Variants in TRIM55 observed in about 807,000 individuals in gnomAD.
TRIM55 encodes tripartite motif containing 55.
Under a neutral mutation model 60.9 loss-of-function variants are expected in TRIM55, and 50 were observed. That is an observed-to-expected ratio of 0.82 (90% CI 0.65 to 1.04). The LOEUF is 1.04. Among genes scored for constraint, TRIM55 ranks in the 50% least tolerant of loss-of-function variants. The pLI, the probability that TRIM55 is intolerant of heterozygous loss-of-function variation, is 0.00. For missense variants in TRIM55, 681 were observed against 666.9 expected, an observed-to-expected ratio of 1.02 and a Z score of -0.23; for synonymous variants, 237 against 238.1, an observed-to-expected ratio of 1.00 and a Z score of 0.04.
At chr8:66,137,040 G>A (rs1809516905) in intron 3 of TRIM55, 55 bp from the exon 4 acceptor site, 8 of 1,452,396 alleles carry the variant, frequency 5.5e-6, no homozygotes, top group East Asian at 2.3e-5. Flanking sequence ...CCAATTCACA[G>A]TCGGGGTGGC....
chr8:66,149,812 C>T lies in TRIM55; in HGVS notation c.771C>T (p.Asn257=), dbSNP rs61741078. The T allele has an allele frequency of 6.9e-4, 1,108 of 1,614,156 alleles. 7 individuals are homozygous for T. The African/African-American group carries it at 0.011, about 16-fold the overall frequency. The change falls in exon 5 of 10, where the codon AAC becomes AAT. Residue 257 remains asparagine (N), a synonymous_variant. Transcript: ENST00000315962. ...AAAAGTATTCTGATCATTTGGAGAA[C>T]GTCTCAAAGTTGGTTGAGTCAGGAA... The part of the protein sequence containing the change: ...LIKKYSDHLE[N]VSKLVESGIQ...
chr8:66,156,859 G>A (rs1000932440), intron 9 of TRIM55, among the ~76,000 whole-genome samples: 4 of 152,158 alleles, frequency 2.6e-5, no homozygotes, highest in African/African-American at 9.7e-5. Context: ...CTGGAAACCT[G>A]TGCACCCTAG....
At chr8:66,114,297 T>C in the TRIM55 span, among the ~76,000 whole-genome samples, 32 of 152,186 alleles carry the variant, frequency 2.1e-4, no homozygotes, top group Admixed American at 4.6e-4. Context: ...TTTCTTTCGA[T>C]TCTCAGCCCA....
At chr8:66,136,380 T>C (rs550397370) in intron 3 of TRIM55, among the ~76,000 whole-genome samples, 1 of 152,340 alleles carries the variant, frequency 6.6e-6, no homozygotes, top group South Asian at 2.1e-4. Flanking sequence ...TCTGGTCCAA[T>C]CTTCTCCTTC....
At chr8:66,119,590 C>T in the TRIM55 span, among the ~76,000 whole-genome samples, 1 of 152,206 alleles carries the variant, frequency 6.6e-6, no homozygotes, top group Non-Finnish European at 1.5e-5. Flanking sequence ...ATGCTCTGAC[C>T]TATTTTGACA....
chr8:66,126,278 A>T (rs139211194), upstream of TRIM55, among the ~76,000 whole-genome samples: 39 of 152,376 alleles, frequency 2.6e-4, no homozygotes, highest in East Asian at 6.9e-3. Flanking sequence ...CCTGCCAGTT[A>T]CTACCTCATT....
At chr8:66,146,827 G>A (rs761527816) in intron 4 of TRIM55, among the ~76,000 whole-genome samples, 1 of 152,306 alleles carries the variant, frequency 6.6e-6, no homozygotes, top group South Asian at 2.1e-4. Flanking sequence ...GTGGAAATTT[G>A]TCAAGCCAGG....
At chr8:66,139,239 G>A (rs1195845266) in intron 4 of TRIM55, among the ~76,000 whole-genome samples, 1 of 152,174 alleles carries the variant, frequency 6.6e-6, no homozygotes, top group Non-Finnish European at 1.5e-5. Context: ...CGTTGCTTGT[G>A]GGTGAGCGAG....
chr8:66,154,439 AC>A, intron 9 of TRIM55, 105 bp downstream of exon 9: 1 of 1,224,532 alleles, frequency 8.2e-7, no homozygotes, highest in Non-Finnish European at 1.1e-6. Flanking sequence ...GCAGAGAGAA[AC>A]CTCAGCCAGG....
intron 9 of TRIM55, among the ~76,000 whole-genome samples, chr8:66,161,357 G>C (rs1811039807): frequency 6.6e-6 from 1 of 151,940 alleles, no homozygotes; most frequent in Non-Finnish European, 1.5e-5. Context: ...TTTATTTCCG[G>C]GTTCTCTATT....
chr8:66,160,355 T>C (rs1021704704), intron 9 of TRIM55, among the ~76,000 whole-genome samples: 4 of 121,210 alleles, frequency 3.3e-5, no homozygotes, highest in Non-Finnish European at 6.5e-5. Context: ...TAGTATTCCA[T>C]GGTGTGTGTG....
rs775939537 is a variant in TRIM55 at position 66,154,096 on chromosome 8, C to T, written c.1286C>T (p.Pro429Leu). Residue 429 changes from proline (P) to leucine (L), a missense_variant, in exon 9 of 10, where the codon CCA becomes CTA. Transcript: ENST00000315962. ...GSEQTTESETPVPAAAETADP... is the reference protein window; with the variant it reads ...GSEQTTESETLVPAAAETADP... ...GAGCAGACCACAGAGTCTGAAACTC[C>T]AGTCCCTGCAGCAGCAGAAACTGCG... The T allele has an allele frequency of 1.1e-5, 18 of 1,614,024 alleles. No homozygotes were observed. The highest frequency in any genetic ancestry group is 1.3e-5 in the Non-Finnish European group (15 of 1,179,986).
At chr8:66,147,524 T>C (rs1810159052) in intron 4 of TRIM55, among the ~76,000 whole-genome samples, 2 of 151,914 alleles carry the variant, frequency 1.3e-5, no homozygotes. Flanking sequence ...CCGCCAGGAT[T>C]GGTGGCTCAC....
At chr8:66,121,858 C>T in the TRIM55 span, among the ~76,000 whole-genome samples, 1 of 152,066 alleles carries the variant, frequency 6.6e-6, no homozygotes, top group East Asian at 1.9e-4. Flanking sequence ...TTTCTTTTAT[C>T]AGCTGGTTTT....
intron 9 of TRIM55, among the ~76,000 whole-genome samples, chr8:66,168,770 C>T (rs901761981): frequency 5.9e-5 from 9 of 152,174 alleles, no homozygotes; most frequent in South Asian, 2.1e-4. Context: ...GGGGCCTTGG[C>T]GTAAATTTCC....
the TRIM55 span, chr8:66,113,680 A>G: frequency 1.6e-5 from 7 of 430,598 alleles, no homozygotes; most frequent in Non-Finnish European, 2.8e-5. Flanking sequence ...TGGCCGAGCG[A>G]CTGCCGGGTC....
chr8:66,115,625 A>G, the TRIM55 span, among the ~76,000 whole-genome samples: 1 of 152,320 alleles, frequency 6.6e-6, no homozygotes, highest in Admixed American at 6.5e-5. Context: ...CAGCAACCCA[A>G]GCTGGGAATG....
intron 9 of TRIM55, among the ~76,000 whole-genome samples, chr8:66,173,552 T>C (rs142411643): frequency 9.8e-5 from 15 of 152,344 alleles, no homozygotes; most frequent in East Asian, 7.7e-4. Flanking sequence ...TCAGTGGCAT[T>C]CTAATCTGGT....
chr8:66,165,622 A>G (rs1226903513), intron 9 of TRIM55, among the ~76,000 whole-genome samples: 1 of 152,196 alleles, frequency 6.6e-6, no homozygotes, highest in East Asian at 1.9e-4. Context: ...AGCAATTGCT[A>G]TGTGTTTTAC....
Sources: gnomAD v4.1 joint callset for allele counts (sites outside exome capture counted in the v4.1 genomes callset) on GRCh38, gnomAD v4.1.1 for gene constraint, MANE v1.5 for transcripts, NCBI Gene and HGNC (gene_info 2026-07-23, HGNC 2026-07-21) for gene names.